PCDHGA7: variants seen among roughly 807,000 people sequenced by gnomAD.
PCDHGA7 encodes the protein protocadherin gamma-A7.
PCDHGA7 carries 44 observed loss-of-function variants against 58.3 expected under a neutral mutation model. That is an observed-to-expected ratio of 0.75 (90% CI 0.59 to 0.97). The LOEUF is 0.97. Ranked by LOEUF, PCDHGA7 falls within the 50% of genes least tolerant of loss-of-function variation. The probability of loss-of-function intolerance (pLI) is 0.00; values close to 1 mark genes in which losing one functional copy is unlikely to be tolerated. For missense variants in PCDHGA7, 1,266 were observed against 1,188.7 expected (o/e 1.06, Z -0.96); for synonymous variants, 516 against 504.2 (o/e 1.02, Z -0.31).
At chr5:141,394,373 C>G in intron 1 of PCDHGA7, 2 of 1,614,206 alleles carry the variant, frequency 1.2e-6, no homozygotes, top group Non-Finnish European at 8.5e-7. Context: ...TGCAATCTTT[C>G]GACTATGAGC....
At chr5:141,473,002 GAA>G (rs2099311273) in intron 1 of PCDHGA7, among the ~76,000 whole-genome samples, 1 of 143,872 alleles carries the variant, frequency 7.0e-6, no homozygotes, top group East Asian at 2.0e-4. Flanking sequence ...AAAAAAGAAA[GAA>G]AAAGAAAAAG....
chr5:141,393,300 G>T (rs1357517904), intron 1 of PCDHGA7: 2 of 1,613,882 alleles, frequency 1.2e-6, no homozygotes, highest in Non-Finnish European at 1.7e-6. Context: ...CCCGGATGTG[G>T]GCGTGAACTC....
rs142329128 is a variant in PCDHGA7, at chr5:141,439,495, C to T, written c.2424+54172C>T. Among the ~76,000 whole-genome samples the T allele has an allele frequency of 9.7e-4, 147 of 152,324 alleles. 1 individual carries two copies. The highest frequency in any genetic ancestry group is 3.4e-3 in the African/African-American group (140 of 41,568). ...TCAGCTTGCAAATTCCAGTGAGAAACGTCTTTCTCTCTGCTCTCAACTAAC... is the reference window on the plus strand; with the variant it reads ...TCAGCTTGCAAATTCCAGTGAGAAATGTCTTTCTCTCTGCTCTCAACTAAC... On this transcript the variant is annotated intron_variant, in intron 1 of 3. Coordinates refer to ENST00000518325, the MANE Select transcript of PCDHGA7 (RefSeq NM_018920.4).
chr5:141,477,978 T>A lies in PCDHGA7; in HGVS notation c.2425-16829T>A. ...TCCCCTAACCAGAGCCTTTTTGCCA[T>A]AGGGCTGCACACTGGTCAAATCAGT... is the stretch of plus-strand genomic sequence containing the variant. On this transcript the variant is annotated intron_variant, in intron 1 of 3. Transcript: ENST00000518325. The surrounding 1 kb of genome is among the most constrained non-coding windows in gnomAD (Gnocchi z 4.9). The A allele has an allele frequency of 6.2e-7, 1 of 1,614,120 alleles. No individual in the cohort carries two copies. Among genetic ancestry groups the A allele is most frequent in the Non-Finnish European group, 8.5e-7 (1 of 1,180,022 alleles).
chr5:141,458,612 C>T (rs1381385841), intron 1 of PCDHGA7, among the ~76,000 whole-genome samples: 1 of 152,084 alleles, frequency 6.6e-6, no homozygotes, highest in Non-Finnish European at 1.5e-5. Flanking sequence ...CTCTGTCAGC[C>T]AGGCTGGAGT....
chr5:141,473,796 G>A (rs2099328996), intron 1 of PCDHGA7, among the ~76,000 whole-genome samples: 1 of 152,224 alleles, frequency 6.6e-6, no homozygotes, highest in African/African-American at 2.4e-5. Context: ...GCAGTATGAT[G>A]CTACTGAGGA....
Position 141,438,625 on chromosome 5 carries a change from TATATATATATACAC to T in PCDHGA7, c.2424+53304_2424+53317del, listed in dbSNP as rs1291649000. Among the ~76,000 whole-genome samples, 88 of 46,398 alleles carry T rather than the reference TATATATATATACAC, an allele frequency of 1.9e-3. 1 individual carries two copies. The highest frequency in any genetic ancestry group is 8.6e-3 in the African/African-American group (72 of 8,380). 30.4% of individuals were successfully genotyped at this position (46,398 alleles called of 152,430 possible). A position where few individuals can be genotyped will look rare whatever the true frequency, so the allele number is the denominator to read the frequency against. ...ATATATATATATATATATATATATATATATATATATACACACACACACACACATATATGTATATA... is the reference window on the plus strand; with the variant it reads ...ATATATATATATATATATATATATATACACACACACACATATATGTATATA... On this transcript the variant is annotated intron_variant, in intron 1 of 3. Transcript: ENST00000518325.
chr5:141,431,273 C>T lies in PCDHGA7; in HGVS notation c.2424+45950C>T, dbSNP rs752219345. 54 of 1,614,068 alleles carry T rather than the reference C, an allele frequency of 3.3e-5. No individual in the cohort carries two copies. Among genetic ancestry groups the T allele is most frequent in the Non-Finnish European group, 4.1e-5 (48 of 1,180,052 alleles). On this transcript the variant is annotated intron_variant, in intron 1 of 3. Transcript: ENST00000518325. The surrounding 1 kb of genome is among the most constrained non-coding windows in gnomAD (Gnocchi z 4.8). Reference sequence around the variant, plus strand: ...GAAGAACTCTCTGCAGAGCTACGAGCTCAGCCCGAACACTCACTTCTCCCT... The same window carrying T: ...GAAGAACTCTCTGCAGAGCTACGAGTTCAGCCCGAACACTCACTTCTCCCT...
intron 1 of PCDHGA7, among the ~76,000 whole-genome samples, chr5:141,439,043 G>T (rs1688170264): frequency 6.6e-6 from 1 of 151,346 alleles, no homozygotes; most frequent in Non-Finnish European, 1.5e-5. Flanking sequence ...CAGTTCATAA[G>T]ATTTCCATAT....
chr5:141,430,889 A>G, intron 1 of PCDHGA7: 1 of 1,605,270 alleles, frequency 6.2e-7, no homozygotes, highest in African/African-American at 1.3e-5. Flanking sequence ...GAAAGGCTCT[A>G]GGGTGGGCGA....
chr5:141,511,489 A>G lies in PCDHGA7; in HGVS notation c.*316A>G. 2.3e-6 allele frequency: 1 copy of G among 435,688 alleles called. No individual in the cohort carries two copies. Among genetic ancestry groups the G allele is most frequent in the Non-Finnish European group, 4.2e-6 (1 of 239,908 alleles). The allele number at this position is 435,688 out of a possible 1,614,324, so 27.0% of individuals were successfully genotyped here. ...CGTTTAGTTACAGCTGAACTCCTCC[A>G]TCTTCCAAATCAATCAGGCCCATCC... On this transcript the variant is annotated 3_prime_UTR_variant, in exon 4 of 4. Coordinates refer to ENST00000518325, the MANE Select transcript of PCDHGA7 (RefSeq NM_018920.4).
intron 1 of PCDHGA7, among the ~76,000 whole-genome samples, chr5:141,460,914 A>G (rs62379191): frequency 4.9e-5 from 6 of 122,236 alleles, no homozygotes; most frequent in Non-Finnish European, 5.2e-5. Context: ...TCCATGGTGT[A>G]TATATATATA....
At position 141,511,246 on chromosome 5, in the gene PCDHGA7, G is replaced by A; in HGVS notation, c.*73G>A. 2 of 1,578,734 alleles carry A rather than the reference G, an allele frequency of 1.3e-6. No homozygotes were observed. Among genetic ancestry groups the A allele is most frequent in the Non-Finnish European group, 1.7e-6 (2 of 1,162,472 alleles). On this transcript the variant is annotated 3_prime_UTR_variant, in exon 4 of 4. Coordinates refer to ENST00000518325, the MANE Select transcript of PCDHGA7 (RefSeq NM_018920.4). The stretch of plus-strand genomic sequence containing the variant: ...CCAGCTTCTCCTTACCTGCACCCAG[G>A]CCTCAGAGTTTCAGGGCTAACCCCC...
chr5:141,432,945 G>A lies in PCDHGA7; in HGVS notation c.2424+47622G>A, dbSNP rs761055026. On this transcript the variant is annotated intron_variant, in intron 1 of 3. Transcript: ENST00000518325. This position sits in a 1 kb window ranked among gnomAD's most constrained non-coding sequence, Gnocchi z 6.0. ...AAGTCACGCCTGCTGCAGGCTTCAGGAGGCGGCTTGACAGGAGCGCCGGCG... is the reference window on the plus strand; with the variant it reads ...AAGTCACGCCTGCTGCAGGCTTCAGAAGGCGGCTTGACAGGAGCGCCGGCG... 3 of 1,614,218 alleles carry A rather than the reference G, an allele frequency of 1.9e-6. No individual in the cohort carries two copies. The highest frequency in any genetic ancestry group is 2.5e-6 in the Non-Finnish European group (3 of 1,180,058).
rs9324852 is a variant in PCDHGA7, at chr5:141,510,333, C to T, written c.2573-614C>T. On this transcript the variant is annotated intron_variant, in intron 3 of 3. Coordinates refer to ENST00000518325, the MANE Select transcript of PCDHGA7 (RefSeq NM_018920.4). ...AGGCTTGGAAGAGCACTCTTCACCC[C>T]CACCCCACACACTTACTAACGGAAC... Among the ~76,000 whole-genome samples the T allele has an allele frequency of 2.4e-3, 367 of 151,698 alleles. 1 individual carries two copies. Among genetic ancestry groups the T allele is most frequent in the African/African-American group, 8.4e-3 (348 of 41,384 alleles).
At chr5:141,398,486 A>G (rs892086829) in intron 1 of PCDHGA7, 17 of 1,608,942 alleles carry the variant, frequency 1.1e-5, no homozygotes, top group Non-Finnish European at 1.4e-5. Flanking sequence ...TATCACGTGA[A>G]TGTGGAGATC....
chr5:141,465,483 A>T (rs1279787337), intron 1 of PCDHGA7, among the ~76,000 whole-genome samples: 1 of 152,236 alleles, frequency 6.6e-6, no homozygotes, highest in Non-Finnish European at 1.5e-5. Flanking sequence ...TCATGAGAGG[A>T]ATGAGCGGGA....
At chr5:141,434,199 T>G (rs1406339464) in intron 1 of PCDHGA7, among the ~76,000 whole-genome samples, 1 of 151,914 alleles carries the variant, frequency 6.6e-6, no homozygotes, top group Non-Finnish European at 1.5e-5. Context: ...CCAATGTACT[T>G]ACTTCTGTCA....
At chr5:141,446,450 T>C (rs922188307) in intron 1 of PCDHGA7, among the ~76,000 whole-genome samples, 2 of 152,018 alleles carry the variant, frequency 1.3e-5, no homozygotes, top group Non-Finnish European at 2.9e-5. Context: ...AGTGCAGATA[T>C]TCAGTGTGTG....
Sources: gnomAD v4.1 joint callset for allele counts (sites outside exome capture counted in the v4.1 genomes callset) on GRCh38, gnomAD v4.1.1 for gene constraint, Gnocchi (gnomAD v3.1) non-coding constraint, MANE v1.5 for transcripts, NCBI Gene and HGNC (gene_info 2026-07-23, HGNC 2026-07-21) for gene names.